Variants in MGAT5 observed in about 807,000 individuals in gnomAD.
The protein encoded by MGAT5 is alpha-1,6-mannosylglycoprotein 6-beta-N-acetylglucosaminyltransferase, also known as alpha-1,6-mannosylglycoprotein 6-beta-N-acetylglucosaminyltransferase A.
In MGAT5, 30 loss-of-function variants were observed where a neutral mutation model predicts 94.3. The observed-to-expected ratio is 0.32, with a 90% CI of 0.24 to 0.43. MGAT5 has a LOEUF of 0.43. Ranked by LOEUF, MGAT5 falls within the 20% of genes least tolerant of loss-of-function variation. MGAT5 has a pLI of 1.00. For synonymous variants in MGAT5, 310 were observed against 322.9 expected (o/e 0.96, Z 0.43); for missense variants, 691 against 905.5 (o/e 0.76, Z 3.04).
At chr2:134,418,872 G>A (rs1014600297) in intron 12 of MGAT5, among the ~76,000 whole-genome samples, 4 of 152,212 alleles carry the variant, frequency 2.6e-5, no homozygotes, top group Admixed American at 6.5e-5. Context: ...ACATCAGACA[G>A]CATTGAGAGG....
chr2:134,330,581 G>GTGTGTATGTATA, intron 4 of MGAT5, among the ~76,000 whole-genome samples: 1 of 137,190 alleles, frequency 7.3e-6, no homozygotes, highest in Admixed American at 7.4e-5. Context: ...GTGTGTGTGT[G>GTGTGTATGTATA]TGTTACGAAG....
rs1381689817 is a variant in MGAT5, at chr2:134,130,688, C to T, written c.-143+10397C>T. On this transcript the variant is annotated intron_variant, in intron 1 of 16. Coordinates refer to the MGAT5 transcript ENST00000409645. ...GTGTCTAGCTAAAGGTTTGTAAATGCACCAATCAATGCCCTGTGTCTAGCT... is the reference window on the plus strand; with the variant it reads ...GTGTCTAGCTAAAGGTTTGTAAATGTACCAATCAATGCCCTGTGTCTAGCT... 4.2e-5 allele frequency among the ~76,000 whole-genome samples: 6 copies of T among 143,516 alleles called. 1 individual carries two copies. Among genetic ancestry groups the T allele is most frequent in the Non-Finnish European group, 9.6e-5 (6 of 62,182 alleles). 94.2% of individuals were successfully genotyped at this position (143,516 alleles called of 152,430 possible). A position where few individuals can be genotyped will look rare whatever the true frequency, so the allele number is the denominator to read the frequency against.
At chr2:134,399,926 A>G (rs971218444) in intron 10 of MGAT5, among the ~76,000 whole-genome samples, 1 of 152,160 alleles carries the variant, frequency 6.6e-6, no homozygotes, top group African/African-American at 2.4e-5. Flanking sequence ...AAGGCAGACA[A>G]AGACACCTTT....
At chr2:134,276,213 G>A (rs868865416) in intron 2 of MGAT5, among the ~76,000 whole-genome samples, 7 of 113,728 alleles carry the variant, frequency 6.2e-5, no homozygotes, top group Admixed American at 2.6e-4. Flanking sequence ...CACTGGTCTT[G>A]GAGGCCTCCA....
intron 14 of MGAT5, among the ~76,000 whole-genome samples, chr2:134,441,122 T>C (rs72980099): frequency 0.024 from 3,639 of 152,264 alleles, 119 homozygotes; most frequent in African/African-American, 0.074. Context: ...CGACACTAAG[T>C]GAGGACTTAC....
At chr2:134,217,060 C>T (rs1680531700) in intron 1 of MGAT5, among the ~76,000 whole-genome samples, 1 of 152,038 alleles carries the variant, frequency 6.6e-6, no homozygotes, top group Non-Finnish European at 1.5e-5. Context: ...GGAGGTTGTT[C>T]CAGGAGGCTG....
In MGAT5 at chr2:134,403,012, A is replaced by G; in HGVS notation, c.1405A>G (p.Ile469Val). 9 of 1,600,536 alleles carry G rather than the reference A, an allele frequency of 5.6e-6. No individual in the cohort carries two copies. The highest frequency in any genetic ancestry group is 7.6e-6 in the Non-Finnish European group (9 of 1,176,742). The change falls in exon 11 of 16, where the codon ATT becomes GTT. Residue 469 changes from isoleucine (I) to valine (V), a missense_variant. This residue lies in a region of MGAT5 where 260 missense variants were observed against 347.0 expected (regional missense o/e 0.75). Coordinates refer to ENST00000281923, the MANE Select transcript of MGAT5 (RefSeq NM_002410.5). ...WKNKKIYLDI[I>V]HTYMEVHATV... ...GAATAAGAAGATCTACTTGGACATT[A>G]TTCACACATACATGGAAGTGCATGC...
At chr2:134,235,497 G>C (rs547257572) in intron 1 of MGAT5, among the ~76,000 whole-genome samples, 1 of 152,114 alleles carries the variant, frequency 6.6e-6, no homozygotes, top group African/African-American at 2.4e-5. Context: ...AGAGAGAGAA[G>C]AGCCACAGAG....
chr2:134,320,410 A>G (rs1687246663), intron 4 of MGAT5, among the ~76,000 whole-genome samples: 1 of 151,520 alleles, frequency 6.6e-6, no homozygotes, highest in Non-Finnish European at 1.5e-5. Flanking sequence ...TTTATGGGCC[A>G]CTTGAATTTT....
At chr2:134,361,841 G>T (rs1299679877) in intron 9 of MGAT5, among the ~76,000 whole-genome samples, 1 of 152,144 alleles carries the variant, frequency 6.6e-6, no homozygotes, top group Non-Finnish European at 1.5e-5. Flanking sequence ...AACACAGCTG[G>T]AGTCAGATTC....
At chr2:134,287,448 G>C (rs1238818715) in intron 2 of MGAT5, among the ~76,000 whole-genome samples, 2 of 152,120 alleles carry the variant, frequency 1.3e-5, no homozygotes, top group Non-Finnish European at 2.9e-5. Flanking sequence ...TTTGGTGTGA[G>C]AATGTTTTCT....
chr2:134,159,432 C>T (rs1687630793), intron 1 of MGAT5, among the ~76,000 whole-genome samples: 1 of 152,118 alleles, frequency 6.6e-6, no homozygotes, highest in Non-Finnish European at 1.5e-5. Flanking sequence ...TTATACCAGT[C>T]CAAAGAGTTA....
At chr2:134,275,017 T>G (rs1185429103) in intron 2 of MGAT5, among the ~76,000 whole-genome samples, 13 of 152,342 alleles carry the variant, frequency 8.5e-5, no homozygotes, top group African/African-American at 3.1e-4. Context: ...TCCCCCTCTT[T>G]GTGCTGCTAA....
chr2:134,167,580 G>A (rs1176822891), intron 1 of MGAT5, among the ~76,000 whole-genome samples: 1 of 152,118 alleles, frequency 6.6e-6, no homozygotes, highest in Non-Finnish European at 1.5e-5. Flanking sequence ...CTGCGCTAAA[G>A]GAAAGAAACA....
At chr2:134,323,081 G>A (rs1358876840) in intron 4 of MGAT5, among the ~76,000 whole-genome samples, 1 of 152,168 alleles carries the variant, frequency 6.6e-6, no homozygotes, top group Non-Finnish European at 1.5e-5. Flanking sequence ...GGTTGTCTCA[G>A]TTCACCAGCT....
At chr2:134,347,300 A>T (rs2106032624) in intron 8 of MGAT5, among the ~76,000 whole-genome samples, 1 of 152,336 alleles carries the variant, frequency 6.6e-6, no homozygotes, top group Non-Finnish European at 1.5e-5. Context: ...AGGATGTCGA[A>T]TTATAAATTT....
At chr2:134,121,289 A>C (rs987619639) in intron 1 of MGAT5, among the ~76,000 whole-genome samples, 9 of 152,102 alleles carry the variant, frequency 5.9e-5, no homozygotes, top group Admixed American at 3.9e-4. Context: ...AGCCTGGTGG[A>C]CCCGCGCGCG....
At chr2:134,413,252 T>C (rs1179595221) in intron 12 of MGAT5, among the ~76,000 whole-genome samples, 1 of 152,202 alleles carries the variant, frequency 6.6e-6, no homozygotes, top group Non-Finnish European at 1.5e-5. Context: ...TAGCTTACTG[T>C]AAACTCAGAC....
At chr2:134,284,663 T>G (rs1193833516) in intron 2 of MGAT5, among the ~76,000 whole-genome samples, 1 of 152,098 alleles carries the variant, frequency 6.6e-6, no homozygotes, top group Non-Finnish European at 1.5e-5. Flanking sequence ...ACTTTATTAG[T>G]TCTTTCCTCA....
Sources: gnomAD v4.1 joint callset for allele counts (sites outside exome capture counted in the v4.1 genomes callset) on GRCh38, gnomAD v4.1.1 for gene constraint, gnomAD v4.1.1 regional missense constraint, MANE v1.5 for transcripts, NCBI Gene and HGNC (gene_info 2026-07-23, HGNC 2026-07-21) for gene names.